POLA2: variants seen among roughly 807,000 people sequenced by gnomAD.
The protein encoded by POLA2 is DNA polymerase alpha subunit B.
A neutral mutation model predicts 82.8 loss-of-function variants in POLA2; 47 were observed. The ratio of observed to expected loss-of-function variants is 0.57; its 90% CI spans 0.45 to 0.72. The LOEUF is 0.72. Ranked by LOEUF, POLA2 falls within the 30% of genes least tolerant of loss-of-function variation. POLA2 has a pLI of 0.00. For missense variants in POLA2, 634 were observed against 728.1 expected (o/e 0.87, Z 1.49); for synonymous variants, 287 against 286.8 (o/e 1.00, Z -0.01).
Position 65,281,286 on chromosome 11 carries a change from C to T in POLA2, c.900+139C>T, listed in dbSNP as rs987606789. ...GCTGGAGCACATGCCCCAGAGCAGA[C>T]ACCACTGTTGGGATTCCTGTTTCCC... On this transcript the variant is annotated intron_variant, in intron 8 of 17. Coordinates refer to ENST00000265465, the MANE Select transcript of POLA2 (RefSeq NM_002689.4). 26 of 903,608 alleles carry T rather than the reference C, an allele frequency of 2.9e-5. No homozygotes were observed. The East Asian group carries it at 6.4e-4, about 22-fold the overall frequency. 56.0% of individuals were successfully genotyped at this position (903,608 alleles called of 1,614,324 possible).
chr11:65,305,417 G>A (rs1468692748), exon 9 of POLA2: 1 of 456,142 alleles, frequency 2.2e-6, no homozygotes, highest in Non-Finnish European at 4.4e-6. Flanking sequence ...GTGGAAACCA[G>A]GGGCTGGTGA....
downstream of POLA2, among the ~76,000 whole-genome samples, chr11:65,299,692 C>T (rs936166939): frequency 6.6e-6 from 1 of 152,210 alleles, no homozygotes; most frequent in Non-Finnish European, 1.5e-5. Context: ...GCTGATTTCT[C>T]ACTCCACCAA....
At position 65,276,491 on chromosome 11, in the gene POLA2, C is replaced by T. The variant is rs931318734; in HGVS notation, c.461+493C>T. The stretch of plus-strand genomic sequence containing the variant: ...GTTAGAACTAGTTTCTGAGAGTTTT[C>T]TTGTCACTGTGACTCTGCCCTGACT... On this transcript the variant is annotated intron_variant, in intron 5 of 17. Coordinates refer to ENST00000265465, the MANE Select transcript of POLA2 (RefSeq NM_002689.4). 2.0e-5 allele frequency among the ~76,000 whole-genome samples: 3 copies of T among 151,852 alleles called. No homozygotes were observed. The South Asian group carries it at 6.2e-4, about 31-fold the overall frequency.
chr11:65,280,862 T>C (rs1396670995), intron 7 of POLA2, 130 bp from the exon 8 acceptor site: 17 of 871,932 alleles, frequency 1.9e-5, no homozygotes, highest in Non-Finnish European at 2.7e-5. Flanking sequence ...CACCTCAGGG[T>C]CAAAGCAATG....
Position 65,294,234 on chromosome 11 carries a change from C to T in POLA2, c.1326C>T (p.Tyr442=), listed in dbSNP as rs1169022024. ...EPVYPQPPFS[Y]SDLSREDKKQ... is the part of the protein sequence containing the mutation. ...TGTACCCCCAGCCGCCTTTCAGCTA[C>T]TCCGATCTGTCTCGAGAGGACAAAA... Residue 442 remains tyrosine, a synonymous_variant, in exon 14 of 18, where the codon TAC becomes TAT. Transcript: ENST00000265465. 2.5e-6 allele frequency: 4 copies of T among 1,613,988 alleles called. No homozygotes were observed. Among genetic ancestry groups the T allele is most frequent in the Admixed American group, 1.7e-5 (1 of 59,998 alleles).
At chr11:65,302,965 C>T (rs975016909), downstream of POLA2, among the ~76,000 whole-genome samples, 1 of 152,096 alleles carries the variant, frequency 6.6e-6, no homozygotes, top group South Asian at 2.1e-4. Flanking sequence ...CCTGCCTGAG[C>T]CTCCCAAATT....
chr11:65,269,364 G>A (rs3016000), intron 4 of POLA2, among the ~76,000 whole-genome samples: 22,433 of 151,986 alleles, frequency 0.15, 1,760 homozygotes, highest in South Asian at 0.21. Context: ...GTGGGCGCCT[G>A]TAGTCCCAGC....
chr11:65,278,850 G>A lies in POLA2; in HGVS notation c.582G>A (p.Lys194=). ...GAGGAGCTGGAAACATCAGCCTGAA[G>A]GTCTTGGGATGTCCAGAGGCACTAA... is the stretch of plus-strand genomic sequence containing the variant. ...GRGGAGNISL[K]VLGCPEALTG... Residue 194 remains lysine, a synonymous_variant, in exon 6 of 18, where the codon AAG becomes AAA. Coordinates refer to ENST00000265465, the MANE Select transcript of POLA2 (RefSeq NM_002689.4). The A allele has an allele frequency of 6.2e-7, 1 of 1,613,890 alleles. No homozygotes were observed. Among genetic ancestry groups the A allele is most frequent in the Non-Finnish European group, 8.5e-7 (1 of 1,180,028 alleles).
intron 16 of POLA2, 123 bp from the exon 17 acceptor site, chr11:65,295,741 A>G (rs948709384): frequency 3.7e-6 from 5 of 1,351,032 alleles, no homozygotes; most frequent in Admixed American, 3.5e-5. Context: ...TCTGCCCCAC[A>G]CACACAGAGA....
At chr11:65,271,882 T>C (rs1419286917) in intron 4 of POLA2, among the ~76,000 whole-genome samples, 1 of 149,250 alleles carries the variant, frequency 6.7e-6, no homozygotes, top group African/African-American at 2.5e-5. Context: ...AATTCCACGC[T>C]AAATGAGTTG....
chr11:65,268,089 G>A (rs112220304), intron 3 of POLA2, among the ~76,000 whole-genome samples: 3,300 of 151,246 alleles, frequency 0.022, 128 homozygotes, highest in African/African-American at 0.075. Flanking sequence ...CACCGTGCCC[G>A]GCCAAAGTAC....
chr11:65,304,882 GCAGT>G (rs750992313), intron 8 of POLA2, among the ~76,000 whole-genome samples: 59 of 152,158 alleles, frequency 3.9e-4, no homozygotes, highest in Admixed American at 2.4e-3. Flanking sequence ...AGGGCACGTG[GCAGT>G]CAGAGTGGTG....
chr11:65,281,200 T>C, intron 8 of POLA2, 53 bp downstream of exon 8: 6 of 1,577,648 alleles, frequency 3.8e-6, no homozygotes, highest in Middle Eastern at 1.8e-4. Context: ...ACCCCTGTAG[T>C]GTAGGTGCTG....
downstream of POLA2, among the ~76,000 whole-genome samples, chr11:65,299,868 T>C (rs1949849981): frequency 6.6e-6 from 1 of 152,102 alleles, no homozygotes; most frequent in South Asian, 2.1e-4. Flanking sequence ...ATTTTTGTAT[T>C]TTCAGTAGAG....
rs561771977 is a variant in POLA2, at chr11:65,265,786, T to C, written c.80-796T>C. 4.6e-5 allele frequency among the ~76,000 whole-genome samples: 7 copies of C among 152,348 alleles called. No individual in the cohort carries two copies. The East Asian group carries it at 1.3e-3, about 29-fold the overall frequency. ...GCCACTGCATCCGGCTTACTCCTAG[T>C]TTTTCTTCAGCTTTGCTTGTGTCAC... On this transcript the variant is annotated intron_variant, in intron 1 of 17. Coordinates refer to ENST00000265465, the MANE Select transcript of POLA2 (RefSeq NM_002689.4).
In POLA2 at chr11:65,268,696, A is replaced by G; in HGVS notation, c.321A>G (p.Glu107=). The part of the protein sequence containing the change: ...QELIEVEEEE[E]ILLNSYTTPS... ...GAATTGAAGTGGAAGAAGAAGAGGA[A>G]ATCCTCTTGAACTCTTACACCACAC... The change falls in exon 4 of 18, where the codon GAA becomes GAG. Residue 107 remains glutamate (E), a synonymous_variant. Coordinates refer to ENST00000265465, the MANE Select transcript of POLA2 (RefSeq NM_002689.4). The G allele has an allele frequency of 6.3e-7, 1 of 1,597,496 alleles. No homozygotes were observed. Among genetic ancestry groups the G allele is most frequent in the Non-Finnish European group, 8.5e-7 (1 of 1,172,148 alleles).
At chr11:65,293,754 T>TA (rs1431642814) in intron 13 of POLA2, among the ~76,000 whole-genome samples, 1 of 152,108 alleles carries the variant, frequency 6.6e-6, no homozygotes, top group African/African-American at 2.4e-5. Flanking sequence ...TTAGAAGGTG[T>TA]AATGAGTCCA....
In POLA2 at chr11:65,297,452, T is replaced by C; in HGVS notation, c.*183T>C. 1.8e-6 allele frequency: 1 copy of C among 560,564 alleles called. No homozygotes were observed. 34.7% of individuals were successfully genotyped at this position (560,564 alleles called of 1,614,324 possible). On this transcript the variant is annotated 3_prime_UTR_variant, in exon 18 of 18. Coordinates refer to ENST00000265465, the MANE Select transcript of POLA2 (RefSeq NM_002689.4). ...TTGTGCAGCCGGGCCTGCCTCTGAG[T>C]GGTGCCTCTCCTGGAAGGAAGCTCT...
At chr11:65,288,505 G>GTTTTTT (rs796257357) in intron 11 of POLA2, among the ~76,000 whole-genome samples, 1 of 98,224 alleles carries the variant, frequency 1.0e-5, no homozygotes, top group African/African-American at 3.1e-5. Context: ...TTGTTCGTTT[G>GTTTTTT]TTTTTTGTTT....
Sources: allele counts gnomAD v4.1 joint callset (sites outside exome capture counted in the v4.1 genomes callset), GRCh38; gene constraint gnomAD v4.1.1; transcripts MANE v1.5; gene names NCBI Gene and HGNC (gene_info 2026-07-23, HGNC 2026-07-21).